The following GALNTL6 variants were observed in gnomAD, a reference collection of about 807,000 sequenced individuals.
GALNTL6 encodes the protein polypeptide N-acetylgalactosaminyltransferase-like 6.
Under a neutral mutation model 73.7 loss-of-function variants are expected in GALNTL6, and 46 were observed. That is an observed-to-expected ratio of 0.62 (90% CI 0.49 to 0.80). The LOEUF (loss-of-function observed/expected upper bound fraction) is 0.80, where lower values mean the gene tolerates loss of function less well. GALNTL6 is among the 30% of genes least tolerant of loss of function. GALNTL6 has a pLI of 0.00. For synonymous variants in GALNTL6, 259 were observed against 263.7 expected, an observed-to-expected ratio of 0.98 and a Z score of 0.17; for missense variants, 604 against 755.0, an observed-to-expected ratio of 0.80 and a Z score of 2.34.
intron 7 of GALNTL6, among the ~76,000 whole-genome samples, chr4:172,845,897 G>C (rs945088350): frequency 1.3e-5 from 2 of 152,180 alleles, no homozygotes; most frequent in Non-Finnish European, 2.9e-5. Context: ...TTGGAAATGT[G>C]TATAAAAGTT....
At chr4:172,828,773 C>G (rs1156770122) in intron 7 of GALNTL6, among the ~76,000 whole-genome samples, 1 of 152,090 alleles carries the variant, frequency 6.6e-6, no homozygotes, top group East Asian at 1.9e-4. Flanking sequence ...GGCTAAAGTC[C>G]ACGCTGGCAA....
intron 5 of GALNTL6, among the ~76,000 whole-genome samples, chr4:172,546,452 T>C (rs971016021): frequency 6.6e-6 from 1 of 150,804 alleles, no homozygotes; most frequent in African/African-American, 2.4e-5. Context: ...TCTGCACTTA[T>C]ACCCTCTAAA....
intron 2 of GALNTL6, among the ~76,000 whole-genome samples, chr4:171,844,807 G>T (rs1560810536): frequency 6.6e-6 from 1 of 152,298 alleles, no homozygotes; most frequent in East Asian, 1.9e-4. Flanking sequence ...GCTTTGTAAA[G>T]ATAACAAGCA....
At chr4:172,696,894 T>G (rs554628561) in intron 5 of GALNTL6, among the ~76,000 whole-genome samples, 2 of 152,254 alleles carry the variant, frequency 1.3e-5, no homozygotes, top group Admixed American at 6.5e-5. Flanking sequence ...TCAATAATTA[T>G]TCTCATAGTA....
At chr4:172,284,866 A>G (rs542180500) in intron 3 of GALNTL6, among the ~76,000 whole-genome samples, 16 of 152,246 alleles carry the variant, frequency 1.1e-4, no homozygotes, top group Non-Finnish European at 2.2e-4. Flanking sequence ...TTATGCCAGT[A>G]CCACACAATA....
At chr4:172,092,194 A>G (rs1401720304) in intron 2 of GALNTL6, among the ~76,000 whole-genome samples, 1 of 152,182 alleles carries the variant, frequency 6.6e-6, no homozygotes, top group Non-Finnish European at 1.5e-5. Context: ...TAAAATGGCC[A>G]TGGTTAAACA....
chr4:172,065,489 T>C (rs955583013), intron 2 of GALNTL6, among the ~76,000 whole-genome samples: 1 of 152,154 alleles, frequency 6.6e-6, no homozygotes, highest in Non-Finnish European at 1.5e-5. Flanking sequence ...AATTCAAATG[T>C]AACATCATAG....
chr4:171,977,627 A>G (rs1739760631), intron 2 of GALNTL6, among the ~76,000 whole-genome samples: 1 of 152,216 alleles, frequency 6.6e-6, no homozygotes, highest in Non-Finnish European at 1.5e-5. Context: ...CTGTAATTAC[A>G]GTCACATCTG....
At chr4:173,002,034 A>G (rs997912320) in intron 10 of GALNTL6, among the ~76,000 whole-genome samples, 5 of 152,226 alleles carry the variant, frequency 3.3e-5, no homozygotes, top group Non-Finnish European at 7.3e-5. Flanking sequence ...AAAATAATTG[A>G]AAACAAGGAT....
chr4:171,924,713 C>T (rs978944657), intron 2 of GALNTL6, among the ~76,000 whole-genome samples: 6 of 152,152 alleles, frequency 3.9e-5, no homozygotes, highest in Admixed American at 1.3e-4. Context: ...TCCAATTCTC[C>T]TTGTTTATCA....
intron 2 of GALNTL6, among the ~76,000 whole-genome samples, chr4:172,101,454 CGA>C (rs367775479): frequency 1.3e-5 from 2 of 151,610 alleles, no homozygotes; most frequent in Non-Finnish European, 1.5e-5. Flanking sequence ...ATTCTGCTGA[CGA>C]GAGAGAGAGA....
intron 2 of GALNTL6, among the ~76,000 whole-genome samples, chr4:172,104,625 T>A (rs1732627173): frequency 6.6e-6 from 1 of 152,220 alleles, no homozygotes; most frequent in South Asian, 2.1e-4. Flanking sequence ...CTACGTCATC[T>A]GTATTTTAGA....
chr4:172,429,648 A>G (rs1338845105), intron 5 of GALNTL6, among the ~76,000 whole-genome samples: 4 of 152,192 alleles, frequency 2.6e-5, no homozygotes. Context: ...TCTCTTGATC[A>G]GGTATACTTG....
intron 5 of GALNTL6, among the ~76,000 whole-genome samples, chr4:172,805,579 CAG>C (rs1740908363): frequency 6.6e-6 from 1 of 152,068 alleles, no homozygotes; most frequent in South Asian, 2.1e-4. Flanking sequence ...AAAAATTATA[CAG>C]AGTTTTGCAA....
intron 2 of GALNTL6, among the ~76,000 whole-genome samples, chr4:172,202,640 G>C (rs1735990902): frequency 6.6e-6 from 1 of 152,106 alleles, no homozygotes; most frequent in Non-Finnish European, 1.5e-5. Flanking sequence ...TGTGAAATCA[G>C]TGTGGTCTGT....
intron 5 of GALNTL6, among the ~76,000 whole-genome samples, chr4:172,410,364 T>C (rs1744387622): frequency 6.6e-6 from 1 of 152,068 alleles, no homozygotes; most frequent in Non-Finnish European, 1.5e-5. Context: ...AATTTTTTAA[T>C]TTAACACCTG....
intron 8 of GALNTL6, among the ~76,000 whole-genome samples, chr4:172,920,523 C>T (rs1478205424): frequency 6.6e-6 from 1 of 152,122 alleles, no homozygotes; most frequent in Non-Finnish European, 1.5e-5. Flanking sequence ...TTTTTTCAAC[C>T]TTACCCTGCC....
chr4:172,167,883 C>T (rs1182576085), intron 2 of GALNTL6, among the ~76,000 whole-genome samples: 1 of 148,200 alleles, frequency 6.7e-6, no homozygotes, highest in Non-Finnish European at 1.5e-5. Flanking sequence ...GGCGTGAACC[C>T]GGGAAGCGGA....
intron 3 of GALNTL6, among the ~76,000 whole-genome samples, chr4:172,252,422 C>T (rs192269295): frequency 6.6e-6 from 1 of 152,168 alleles, no homozygotes; most frequent in East Asian, 1.9e-4. Context: ...ACCCACTTAC[C>T]TCTTCTGAAT....
Sources: allele counts gnomAD v4.1 joint callset (sites outside exome capture counted in the v4.1 genomes callset), GRCh38; gene constraint gnomAD v4.1.1; transcripts MANE v1.5; gene names NCBI Gene and HGNC (gene_info 2026-07-23, HGNC 2026-07-21).